The following PMPCB variants were observed in gnomAD, a reference collection of about 807,000 sequenced individuals.
The protein encoded by PMPCB is mitochondrial-processing peptidase subunit beta.
Under a neutral mutation model 61.5 loss-of-function variants are expected in PMPCB, and 46 were observed. The observed-to-expected ratio is 0.75, with a 90% CI of 0.59 to 0.96. The LOEUF (loss-of-function observed/expected upper bound fraction) is 0.96, where lower values mean the gene tolerates loss of function less well. Among genes scored for constraint, PMPCB ranks in the 40% least tolerant of loss-of-function variants. The pLI is 0.00. For missense variants in PMPCB, 590 were observed against 602.4 expected, an observed-to-expected ratio of 0.98 and a Z score of 0.22; for synonymous variants, 191 against 201.6, an observed-to-expected ratio of 0.95 and a Z score of 0.44.
downstream of PMPCB, among the ~76,000 whole-genome samples, chr7:103,332,247 C>T (rs1348717164): frequency 1.3e-5 from 2 of 152,174 alleles, no homozygotes; most frequent in Non-Finnish European, 2.9e-5. Flanking sequence ...CCTCATGATC[C>T]GCCCGCCTTG....
chr7:103,308,612 C>CTT (rs1305458001), intron 7 of PMPCB, among the ~76,000 whole-genome samples: 2 of 152,018 alleles, frequency 1.3e-5, no homozygotes, highest in Non-Finnish European at 2.9e-5. Flanking sequence ...GAGTGAGACT[C>CTT]TGTCTCAAAA....
downstream of PMPCB, among the ~76,000 whole-genome samples, chr7:103,332,844 G>A (rs2115997926): frequency 6.6e-6 from 1 of 152,148 alleles, no homozygotes; most frequent in African/African-American, 2.4e-5. Flanking sequence ...GGCTAGTCTT[G>A]AACTACAGAG....
At chr7:103,318,025 TTAG>T (rs1818167065), downstream of PMPCB, among the ~76,000 whole-genome samples, 1 of 152,184 alleles carries the variant, frequency 6.6e-6, no homozygotes, top group Non-Finnish European at 1.5e-5. Context: ...AAACGTCAGA[TTAG>T]TAGTACAATG....
intron 6 of PMPCB, among the ~76,000 whole-genome samples, chr7:103,304,832 G>C (rs1313503169): frequency 6.6e-6 from 1 of 151,924 alleles, no homozygotes; most frequent in Admixed American, 6.6e-5. Context: ...GGTGACATGC[G>C]CCTGTAGTCC....
intron 12 of PMPCB, chr7:103,319,933 G>C: frequency 7.1e-7 from 1 of 1,403,464 alleles, no homozygotes; most frequent in Non-Finnish European, 1.0e-6. Flanking sequence ...TACTCGGGAG[G>C]CTGAGGCAGG....
At chr7:103,312,156 T>C (rs1213740008) in intron 12 of PMPCB, 25 bp downstream of exon 12, 3 of 1,614,038 alleles carry the variant, frequency 1.9e-6, no homozygotes, top group East Asian at 4.5e-5. Flanking sequence ...TTTTCTTCTA[T>C]GCAAAAAGTT....
intron 2 of PMPCB, among the ~76,000 whole-genome samples, chr7:103,299,213 G>C (rs1486835360): frequency 6.6e-6 from 1 of 152,136 alleles, no homozygotes; most frequent in Non-Finnish European, 1.5e-5. Context: ...AATGAGTTGG[G>C]CAAAGAATCC....
chr7:103,331,354 T>C (rs1818962057), downstream of PMPCB, among the ~76,000 whole-genome samples: 2 of 152,278 alleles, frequency 1.3e-5, no homozygotes, highest in East Asian at 3.8e-4. Flanking sequence ...TATTTCTATG[T>C]ATTGTGAACA....
rs1817830156 is a variant in PMPCB at position 103,312,855 on chromosome 7, A to G, written c.*584A>G. On this transcript the variant is annotated 3_prime_UTR_variant, in exon 13 of 13. Coordinates refer to ENST00000249269, the MANE Select transcript of PMPCB (RefSeq NM_004279.3). ...CTACTGGTTTTGAAATAAGCACTAT[A>G]TTATTAACCACTTAATAGACATAAA... 4.6e-6 allele frequency: 7 copies of G among 1,535,996 alleles called. No individual in the cohort carries two copies. In the East Asian group the frequency reaches 9.0e-5, roughly 20 times the overall value.
chr7:103,310,824 C>T (rs1375382704), intron 9 of PMPCB: 1 of 158,266 alleles, frequency 6.3e-6, no homozygotes, highest in African/African-American at 2.4e-5. Flanking sequence ...ATTACAGGCG[C>T]ACCACCATGC....
rs75160371 is a variant in PMPCB, at chr7:103,306,460, G to A, written c.737-1136G>A. ...TACAATGGCATCATCTTGGCTCACC[G>A]CAAACTCCGCCTTCCGGATTCAACT... is the stretch of plus-strand genomic sequence containing the variant. On this transcript the variant is annotated intron_variant, in intron 6 of 12. Transcript: ENST00000249269. 3.8e-3 allele frequency among the ~76,000 whole-genome samples: 564 copies of A among 148,488 alleles called. 4 individuals carry two copies. Among genetic ancestry groups the A allele is most frequent in the African/African-American group, 0.014 (555 of 40,102 alleles).
At chr7:103,342,904 G>A in the PMPCB span, among the ~76,000 whole-genome samples, 5 of 149,318 alleles carry the variant, frequency 3.3e-5, no homozygotes, top group South Asian at 2.1e-4. Context: ...CACCGCGCCC[G>A]GCCTAGACAA....
chr7:103,308,892 A>T, intron 7 of PMPCB, 60 bp from the exon 8 acceptor site: 1 of 1,348,216 alleles, frequency 7.4e-7, no homozygotes, highest in Non-Finnish European at 9.9e-7. Flanking sequence ...TTTCCTTGTT[A>T]ATAAGCATGT....
At chr7:103,310,756 C>T (rs1414877681) in intron 9 of PMPCB, 15 of 164,600 alleles carry the variant, frequency 9.1e-5, no homozygotes, top group Non-Finnish European at 1.7e-4. Flanking sequence ...CGGCTCACTG[C>T]AGCCTCCGCC....
At chr7:103,297,860 A>G in intron 1 of PMPCB, 1 of 1,468,016 alleles carries the variant, frequency 6.8e-7, no homozygotes, top group Non-Finnish European at 9.0e-7. Context: ...GGGAAAACTA[A>G]AAAGTGAAAT....
rs1375936220 is a variant in PMPCB, at chr7:103,312,278, C to G, written c.*7C>G. On this transcript the variant is annotated 3_prime_UTR_variant, in exon 13 of 13. Transcript: ENST00000249269. ...GTGTTGGCTTCGTGATTAAAATGCT[C>G]CTAATCAAGATTGTTTGAACACATG... The G allele has an allele frequency of 6.2e-6, 10 of 1,609,008 alleles. No individual in the cohort carries two copies. Among genetic ancestry groups the G allele is most frequent in the Middle Eastern group, 2.0e-4 (1 of 4,888 alleles).
exon 13 of PMPCB, chr7:103,329,187 A>G (rs575497240): frequency 6.1e-6 from 2 of 326,580 alleles, no homozygotes; most frequent in South Asian, 5.1e-5. Flanking sequence ...GCTAGCTGTT[A>G]ACATCTACAT....
At chr7:103,306,507 C>G (rs1306098406) in intron 6 of PMPCB, among the ~76,000 whole-genome samples, 1 of 152,012 alleles carries the variant, frequency 6.6e-6, no homozygotes, top group East Asian at 1.9e-4. Flanking sequence ...CTTAGCCTCC[C>G]GAGTAGCTGG....
rs1344401442 is a variant in PMPCB at position 103,311,700 on chromosome 7, G to A, written c.1212G>A (p.Leu404=). ...AGGTTGCACGAGCCAGAAATCTTCT[G>A]AAAACAAACATGTTGTTGCAGCTTG... ...ESEVARARNL[L]KTNMLLQLDG... Residue 404 remains leucine, a synonymous_variant, in exon 10 of 13, where the codon CTG becomes CTA. Coordinates refer to ENST00000249269, the MANE Select transcript of PMPCB (RefSeq NM_004279.3). The A allele has an allele frequency of 6.2e-7, 1 of 1,613,950 alleles. No individual in the cohort carries two copies. Among genetic ancestry groups the A allele is most frequent in the Middle Eastern group, 1.6e-4 (1 of 6,062 alleles).
Sources: allele counts gnomAD v4.1 joint callset (sites outside exome capture counted in the v4.1 genomes callset), GRCh38; gene constraint gnomAD v4.1.1; transcripts MANE v1.5; gene names NCBI Gene and HGNC (gene_info 2026-07-23, HGNC 2026-07-21).